TUSC3: variants seen among roughly 807,000 people sequenced by gnomAD.
The protein encoded by TUSC3 is tumor suppressor candidate 3, also known as dolichyl-diphosphooligosaccharide--protein glycosyltransferase subunit TUSC3.
Under a neutral mutation model 44.8 loss-of-function variants are expected in TUSC3, and 45 were observed. The ratio of observed to expected loss-of-function variants is 1.00; its 90% CI spans 0.79 to 1.29. The LOEUF (loss-of-function observed/expected upper bound fraction) is 1.29. Among genes scored for constraint, TUSC3 ranks in the 50% most tolerant of loss-of-function variants. The probability of loss-of-function intolerance (pLI) is 0.00; values close to 1 mark genes in which losing one functional copy is unlikely to be tolerated. For synonymous variants in TUSC3, 212 were observed against 152.9 expected (o/e 1.39, Z -2.85); for missense variants, 519 against 437.9 (o/e 1.19, Z -1.65).
In TUSC3 at chr8:15,625,692, C is replaced by A. The variant is rs1283609235; in HGVS notation, c.308+2443C>A. ...TAGTGGAGACTGAAGTTATTAGTAA[C>A]TTGGGTCAATGTAAAAAATCAGTTT... On this transcript the variant is annotated intron_variant, in intron 2 of 10. Coordinates refer to ENST00000503731, the MANE Select transcript of TUSC3 (RefSeq NM_006765.4). Among the ~76,000 whole-genome samples the A allele has an allele frequency of 3.3e-5, 5 of 152,218 alleles. No homozygotes were observed. The East Asian group carries it at 7.7e-4, about 24-fold the overall frequency.
intron 2 of TUSC3, among the ~76,000 whole-genome samples, chr8:15,644,762 C>T (rs1460465855): frequency 6.6e-6 from 1 of 151,814 alleles, no homozygotes; most frequent in African/African-American, 2.4e-5. Flanking sequence ...TCCTCGGGCT[C>T]ATTTATTTAT....
chr8:15,589,111 C>G (rs1207678952), intron 1 of TUSC3, among the ~76,000 whole-genome samples: 1 of 152,118 alleles, frequency 6.6e-6, no homozygotes, highest in African/African-American at 2.4e-5. Context: ...GTCTGTTTGT[C>G]AGATACAAAT....
chr8:15,540,437 G>C lies in TUSC3; in HGVS notation c.7G>C (p.Ala3Pro). Residue 3 changes from alanine (A) to proline (P), a missense_variant, in exon 1 of 11, where the codon GCC (alanine) becomes CCC (proline). Transcript: ENST00000503731. MG[A>P]RGAPSRRRQA... is the part of the protein sequence containing the mutation. ...GAGACACTGCCCTGCCGCGATGGGGGCCCGGGGCGCTCCTTCACGCCGTAG... is the reference window on the plus strand; with the variant it reads ...GAGACACTGCCCTGCCGCGATGGGGCCCCGGGGCGCTCCTTCACGCCGTAG... 6.3e-7 allele frequency: 1 copy of C among 1,592,834 alleles called. No individual in the cohort carries two copies. Among genetic ancestry groups the C allele is most frequent in the Non-Finnish European group, 8.5e-7 (1 of 1,170,958 alleles).
chr8:15,463,836 G>C (rs561516756), intron 1 of TUSC3, among the ~76,000 whole-genome samples: 1 of 152,140 alleles, frequency 6.6e-6, no homozygotes, highest in African/African-American at 2.4e-5. Context: ...GAGTACCCCA[G>C]AATATGCTGT....
At chr8:15,519,930 C>G (rs906641066) in intron 2 of TUSC3, among the ~76,000 whole-genome samples, 1 of 152,102 alleles carries the variant, frequency 6.6e-6, no homozygotes, top group Non-Finnish European at 1.5e-5. Flanking sequence ...CTCAATATAC[C>G]TAAATGGAGA....
intron 6 of TUSC3, among the ~76,000 whole-genome samples, chr8:15,688,737 TG>T (rs1249716498): frequency 6.6e-6 from 1 of 152,178 alleles, no homozygotes; most frequent in African/African-American, 2.4e-5. Context: ...CTCTCCTCTC[TG>T]TATGCCAGGG....
intron 7 of TUSC3, among the ~76,000 whole-genome samples, chr8:15,738,187 C>T (rs891305632): frequency 5.3e-5 from 8 of 152,110 alleles, no homozygotes; most frequent in East Asian, 1.9e-4. Context: ...TTACTGACCC[C>T]GCTGATTTCT....
intron 2 of TUSC3, among the ~76,000 whole-genome samples, chr8:15,630,301 T>C (rs1805701786): frequency 6.6e-6 from 1 of 152,106 alleles, no homozygotes; most frequent in Admixed American, 6.5e-5. Context: ...AAATGAAGAA[T>C]TGATAAATTA....
At chr8:15,622,552 C>G (rs555287426) in intron 1 of TUSC3, among the ~76,000 whole-genome samples, 3 of 152,320 alleles carry the variant, frequency 2.0e-5, no homozygotes, top group African/African-American at 7.2e-5. Flanking sequence ...GCCTCCCAGA[C>G]TAGCCACCAT....
intron 1 of TUSC3, among the ~76,000 whole-genome samples, chr8:15,542,549 T>G (rs936854461): frequency 3.9e-5 from 6 of 152,066 alleles, no homozygotes; most frequent in Non-Finnish European, 8.8e-5. Flanking sequence ...TGCTTACATT[T>G]TTGTTTTTCG....
intron 1 of TUSC3, among the ~76,000 whole-genome samples, chr8:15,596,932 T>C (rs767575719): frequency 3.3e-5 from 5 of 152,188 alleles, no homozygotes; most frequent in African/African-American, 4.8e-5. Context: ...AGATACTGTG[T>C]AGCAGGTGAC....
Position 15,730,720 on chromosome 8 carries a change from C to A in TUSC3, c.853C>A (p.Leu285Met). 6.2e-7 allele frequency: 1 copy of A among 1,613,006 alleles called. No individual in the cohort carries two copies. The highest frequency in any genetic ancestry group is 8.5e-7 in the Non-Finnish European group (1 of 1,179,340). Reference protein sequence around the residue: ...AQFVAESHIILVLNAAITMGM... With the variant: ...AQFVAESHIIMVLNAAITMGM... ...GTTTGTGGCAGAATCACACATTATT[C>A]TGGTACTGAGTATCCTTTTAAGATA... Residue 285 changes from leucine (L) to methionine (M), a missense_variant, in exon 7 of 11, where the codon CTG becomes ATG. Leu to Met is a conservative substitution (Grantham distance 15, BLOSUM62 2). Transcript: ENST00000503731.
At chr8:15,672,631 G>A (rs556993572) in intron 5 of TUSC3, among the ~76,000 whole-genome samples, 8 of 152,150 alleles carry the variant, frequency 5.3e-5, no homozygotes, top group Non-Finnish European at 1.0e-4. Flanking sequence ...TAAGAGCACA[G>A]AAGGTTCTTG....
chr8:15,775,077 T>TGAG, the TUSC3 span, among the ~76,000 whole-genome samples: 1 of 152,160 alleles, frequency 6.6e-6, no homozygotes, highest in East Asian at 1.9e-4. Context: ...GTTCATCAGC[T>TGAG]GAGGAGTGGA....
chr8:15,751,301 G>T (rs909741064), intron 9 of TUSC3, among the ~76,000 whole-genome samples: 4 of 152,066 alleles, frequency 2.6e-5, no homozygotes, highest in African/African-American at 7.2e-5. Context: ...GTTGGAAAAA[G>T]TTCAGAAAGT....
In TUSC3 at chr8:15,494,196, A is replaced by T. The variant is rs150466419; in HGVS notation, n.189+10713A>T. On this transcript the variant is annotated intron_variant and non_coding_transcript_variant, in intron 2 of 5. Coordinates refer to the TUSC3 transcript ENST00000503191. The stretch of plus-strand genomic sequence containing the variant: ...ATACAGTCGATGAAATATGGATCTG[A>T]ATTCCTTCATAGTCCGTGGATGTCG... Among the ~76,000 whole-genome samples the T allele has an allele frequency of 3.9e-5, 6 of 152,132 alleles. No individual in the cohort carries two copies. In the East Asian group the frequency reaches 9.7e-4, roughly 25 times the overall value.
At position 15,764,444 on chromosome 8, in the gene TUSC3, G is replaced by A. The variant is rs781373100; in HGVS notation, c.*288G>A. 19 of 481,880 alleles carry A rather than the reference G, an allele frequency of 3.9e-5. No individual in the cohort carries two copies. In the East Asian group the frequency reaches 5.7e-4, roughly 14 times the overall value. 29.9% of individuals were successfully genotyped at this position (481,880 alleles called of 1,614,324 possible). A position where few individuals can be genotyped will look rare whatever the true frequency, so the allele number is the denominator to read the frequency against. ...GTGTTTTTCAAGCCTGTTATATTCAGTGTGTGCCACAGGATTGAAATAAAT... is the reference window on the plus strand; with the variant it reads ...GTGTTTTTCAAGCCTGTTATATTCAATGTGTGCCACAGGATTGAAATAAAT... On this transcript the variant is annotated 3_prime_UTR_variant, in exon 11 of 11. Coordinates refer to ENST00000503731, the MANE Select transcript of TUSC3 (RefSeq NM_006765.4).
At chr8:15,814,852 A>C in the TUSC3 span, among the ~76,000 whole-genome samples, 1 of 152,162 alleles carries the variant, frequency 6.6e-6, no homozygotes, top group Non-Finnish European at 1.5e-5. Flanking sequence ...TCCAGGATTC[A>C]AGTATATAAA....
rs370623090 is a variant in TUSC3, at chr8:15,482,127, C to T, written n.92-1259C>T. ...GAAATCACTTTCTTTGTTCATCCCT[C>T]GGAAACAACTCCTTATCTGTTTAAG... is the stretch of plus-strand genomic sequence containing the variant. On this transcript the variant is annotated intron_variant and non_coding_transcript_variant, in intron 1 of 5. Coordinates refer to the TUSC3 transcript ENST00000503191. Among the ~76,000 whole-genome samples the T allele has an allele frequency of 4.6e-5, 7 of 152,288 alleles. 1 individual carries two copies. Among genetic ancestry groups the T allele is most frequent in the African/African-American group, 1.7e-4 (7 of 41,576 alleles).
Sources: gnomAD v4.1 joint callset for allele counts (sites outside exome capture counted in the v4.1 genomes callset) on GRCh38, gnomAD v4.1.1 for gene constraint, MANE v1.5 for transcripts, NCBI Gene and HGNC (gene_info 2026-07-23, HGNC 2026-07-21) for gene names.